Variants in PLCXD3 observed in about 807,000 individuals in gnomAD.
PLCXD3 encodes the protein PI-PLC X domain-containing protein 3.
A neutral mutation model predicts 25.5 loss-of-function variants in PLCXD3; 19 were observed. That is an observed-to-expected ratio of 0.75 (90% CI 0.52 to 1.09). The LOEUF (loss-of-function observed/expected upper bound fraction) is 1.09, where lower values mean the gene tolerates loss of function less well. PLCXD3 is among the 50% of genes least tolerant of loss of function. The pLI, the probability that PLCXD3 is intolerant of heterozygous loss-of-function variation, is 0.00. For missense variants in PLCXD3, 411 were observed against 388.1 expected, an observed-to-expected ratio of 1.06 and a Z score of -0.50; for synonymous variants, 174 against 137.6, an observed-to-expected ratio of 1.26 and a Z score of -1.85.
At chr5:41,509,264 G>A (rs1738970610) in intron 1 of PLCXD3, among the ~76,000 whole-genome samples, 1 of 152,142 alleles carries the variant, frequency 6.6e-6, no homozygotes, top group African/African-American at 2.4e-5. Context: ...GAGTTTAATA[G>A]CCCAGCTCAG....
chr5:41,394,769 G>A lies in PLCXD3; in HGVS notation c.104-12235C>T, dbSNP rs768623597. Among the ~76,000 whole-genome samples the A allele has an allele frequency of 3.9e-5, 6 of 152,088 alleles. No individual in the cohort carries two copies. The South Asian group carries it at 8.3e-4, about 21-fold the overall frequency. ...TATTAATTTCACAAGAGTATATAAAGTATATAACAATTTTAACTATATATG... is the reference window on the plus strand; with the variant it reads ...TATTAATTTCACAAGAGTATATAAAATATATAACAATTTTAACTATATATG... On this transcript the variant is annotated intron_variant, in intron 1 of 2. Coordinates refer to ENST00000377801, the MANE Select transcript of PLCXD3 (RefSeq NM_001005473.3).
chr5:41,479,378 T>C (rs915759709), intron 1 of PLCXD3, among the ~76,000 whole-genome samples: 2 of 152,034 alleles, frequency 1.3e-5, no homozygotes, highest in Non-Finnish European at 1.5e-5. Context: ...GAGTTTTAGT[T>C]GAGGAAGATG....
At chr5:41,444,313 G>A (rs1747449016) in intron 1 of PLCXD3, among the ~76,000 whole-genome samples, 1 of 152,156 alleles carries the variant, frequency 6.6e-6, no homozygotes, top group Non-Finnish European at 1.5e-5. Context: ...GGATGGCAAA[G>A]TTAGAATCAA....
chr5:41,391,489 G>T (rs1277954989), intron 1 of PLCXD3, among the ~76,000 whole-genome samples: 6 of 152,158 alleles, frequency 3.9e-5, no homozygotes, highest in Non-Finnish European at 8.8e-5. Flanking sequence ...TGAAGAAAGA[G>T]ATGTAGTTCT....
At chr5:41,488,577 C>T (rs958180542) in intron 1 of PLCXD3, among the ~76,000 whole-genome samples, 2 of 143,936 alleles carry the variant, frequency 1.4e-5, no homozygotes, top group African/African-American at 5.5e-5. Context: ...TCTCCACATC[C>T]TCTCCAGCAC....
intron 1 of PLCXD3, among the ~76,000 whole-genome samples, chr5:41,399,824 C>A (rs1746123789): frequency 1.3e-5 from 2 of 152,008 alleles, no homozygotes; most frequent in Non-Finnish European, 2.9e-5. Context: ...CACAAGCAAC[C>A]AAAGCAAACA....
chr5:41,362,709 A>G (rs1187779616), intron 2 of PLCXD3, among the ~76,000 whole-genome samples: 1 of 152,190 alleles, frequency 6.6e-6, no homozygotes, highest in Non-Finnish European at 1.5e-5. Flanking sequence ...TAGACATTTT[A>G]TTTCGCTTTT....
intron 2 of PLCXD3, among the ~76,000 whole-genome samples, chr5:41,316,375 TG>T (rs1180416440): frequency 6.6e-6 from 1 of 152,210 alleles, no homozygotes; most frequent in African/African-American, 2.4e-5. Flanking sequence ...TACTACATCT[TG>T]GGTCTTGGGT....
chr5:41,448,021 G>C (rs1350550532), intron 1 of PLCXD3, among the ~76,000 whole-genome samples: 1 of 152,222 alleles, frequency 6.6e-6, no homozygotes, highest in African/African-American at 2.4e-5. Context: ...AAGGAGGAAA[G>C]AGAGAAGCCT....
chr5:41,438,411 C>A lies in PLCXD3; in HGVS notation c.104-55877G>T, dbSNP rs139729065. On this transcript the variant is annotated intron_variant, in intron 1 of 2. Transcript: ENST00000377801. ...GACTGCTGGCCCTGGATGAAGCCTG[C>A]CCTTTCCCCGACTAGTTCTCTCTGA... is the stretch of plus-strand genomic sequence containing the variant. Among the ~76,000 whole-genome samples, 116 of 152,266 alleles carry A rather than the reference C, an allele frequency of 7.6e-4. 1 individual carries two copies. Among genetic ancestry groups the A allele is most frequent in the Non-Finnish European group, 1.3e-3 (90 of 68,018 alleles).
intron 1 of PLCXD3, among the ~76,000 whole-genome samples, chr5:41,409,277 C>T (rs1161748691): frequency 6.6e-6 from 1 of 152,072 alleles, no homozygotes; most frequent in Non-Finnish European, 1.5e-5. Context: ...GCCTTAAGCC[C>T]AGGGTGCTAA....
intron 1 of PLCXD3, among the ~76,000 whole-genome samples, chr5:41,422,524 T>C (rs1336531812): frequency 6.6e-6 from 1 of 152,302 alleles, no homozygotes; most frequent in Middle Eastern, 3.4e-3. Flanking sequence ...TTTTAGACTA[T>C]ATTAATCAGA....
At chr5:41,449,822 T>G (rs988212419) in intron 1 of PLCXD3, among the ~76,000 whole-genome samples, 1 of 152,010 alleles carries the variant, frequency 6.6e-6, no homozygotes, top group Non-Finnish European at 1.5e-5. Context: ...AAAAAGCCAT[T>G]GGTGGGCATA....
intron 1 of PLCXD3, among the ~76,000 whole-genome samples, chr5:41,431,379 T>C (rs1392827289): frequency 6.6e-6 from 1 of 152,200 alleles, no homozygotes; most frequent in Non-Finnish European, 1.5e-5. Flanking sequence ...GTATACAAAA[T>C]TTTTGATATT....
At chr5:41,476,647 T>G (rs1050052658) in intron 1 of PLCXD3, among the ~76,000 whole-genome samples, 3 of 152,224 alleles carry the variant, frequency 2.0e-5, no homozygotes, top group African/African-American at 7.2e-5. Flanking sequence ...ATGTGCTTTT[T>G]TCCCCCTGAT....
intron 1 of PLCXD3, among the ~76,000 whole-genome samples, chr5:41,457,590 T>C (rs1470580705): frequency 6.6e-6 from 1 of 151,946 alleles, no homozygotes; most frequent in South Asian, 2.1e-4. Flanking sequence ...AGGACATCTG[T>C]ACTTAAGCTG....
In PLCXD3 at chr5:41,382,306, T is replaced by C. The variant is rs1561253209; in HGVS notation, c.332A>G (p.Tyr111Cys). 5 of 1,613,546 alleles carry C rather than the reference T, an allele frequency of 3.1e-6. No individual in the cohort carries two copies. The highest frequency in any genetic ancestry group is 2.2e-5 in the East Asian group (1 of 44,826). The change falls in exon 2 of 3, where the codon TAT becomes TGT. Residue 111 changes from tyrosine (Y) to cysteine (C), a missense_variant. Physicochemically the swap from Tyr to Cys is radical, Grantham distance 194 (BLOSUM62 -2). Coordinates refer to ENST00000377801, the MANE Select transcript of PLCXD3 (RefSeq NM_001005473.3). Reference sequence around the variant, plus strand: ...GGCACTGAACAAACCATGAGCAAAATAGAGTTCATTGTCGGGGTCTCTGGG... The same window carrying C: ...GGCACTGAACAAACCATGAGCAAAACAGAGTTCATTGTCGGGGTCTCTGGG... ...TKPRDPDNEL[Y>C]FAHGLFSAKV...
chr5:41,465,134 G>T (rs145963523), intron 1 of PLCXD3, among the ~76,000 whole-genome samples: 3 of 151,894 alleles, frequency 2.0e-5, no homozygotes, highest in East Asian at 3.9e-4. Flanking sequence ...ATATTTTGGG[G>T]AGTTGGATTC....
intron 2 of PLCXD3, among the ~76,000 whole-genome samples, chr5:41,381,361 C>T (rs1432060044): frequency 6.6e-6 from 1 of 152,044 alleles, no homozygotes; most frequent in Admixed American, 6.6e-5. Flanking sequence ...GTGAGTGTGA[C>T]ATTATTTGGA....
Sources: allele counts gnomAD v4.1 joint callset (sites outside exome capture counted in the v4.1 genomes callset), GRCh38; gene constraint gnomAD v4.1.1; transcripts MANE v1.5; gene names NCBI Gene and HGNC (gene_info 2026-07-23, HGNC 2026-07-21).